ITGA2: variants seen among roughly 807,000 people sequenced by gnomAD.
ITGA2 encodes the protein integrin alpha-2.
ITGA2 carries 101 observed loss-of-function variants against 146.3 expected under a neutral mutation model. The ratio of observed to expected loss-of-function variants is 0.69; its 90% confidence interval spans 0.59 to 0.81. ITGA2 has a LOEUF of 0.81. Among genes scored for constraint, ITGA2 ranks in the 40% least tolerant of loss-of-function variants. The probability of loss-of-function intolerance (pLI) is 0.00; values close to 1 mark genes in which losing one functional copy is unlikely to be tolerated. For missense variants in ITGA2, 1,281 were observed against 1,402.7 expected (o/e 0.91, Z 1.39); for synonymous variants, 477 against 487.1 (o/e 0.98, Z 0.27).
At chr5:53,063,919 G>C (rs542244987) in intron 13 of ITGA2, among the ~76,000 whole-genome samples, 1 of 151,628 alleles carries the variant, frequency 6.6e-6, no homozygotes, top group Admixed American at 6.6e-5. Context: ...TTTTAATACC[G>C]TGTCAAACGC....
At chr5:53,011,466 G>T (rs925079368) in intron 1 of ITGA2, among the ~76,000 whole-genome samples, 2 of 152,004 alleles carry the variant, frequency 1.3e-5, no homozygotes, top group Non-Finnish European at 1.5e-5. Flanking sequence ...CTATGTTGCT[G>T]GTCATCCTTT....
At chr5:53,017,997 C>T (rs1334532819) in intron 1 of ITGA2, among the ~76,000 whole-genome samples, 3 of 152,016 alleles carry the variant, frequency 2.0e-5, no homozygotes, top group Admixed American at 6.6e-5. Flanking sequence ...GATGGCCAGG[C>T]ATGGTCTGTC....
intron 2 of ITGA2, among the ~76,000 whole-genome samples, chr5:53,029,359 A>G (rs1743115168): frequency 6.6e-6 from 1 of 152,166 alleles, no homozygotes; most frequent in Non-Finnish European, 1.5e-5. Context: ...CTCTCCTATT[A>G]TCATCTTTTA....
rs531139952 is a variant in ITGA2 at position 53,069,745 on chromosome 5, C to T, written c.2084-364C>T. ...GTGTCCAGTTGCAGGCGCTCAGCAACTGTTCCTTTCCATTCTGTGTCTCCG... is the reference window on the plus strand; with the variant it reads ...GTGTCCAGTTGCAGGCGCTCAGCAATTGTTCCTTTCCATTCTGTGTCTCCG... On this transcript the variant is annotated intron_variant, in intron 16 of 29. Transcript: ENST00000296585. Among the ~76,000 whole-genome samples the T allele has an allele frequency of 1.1e-3, 162 of 152,014 alleles. 1 individual carries two copies. The highest frequency in any genetic ancestry group is 1.9e-3 in the Non-Finnish European group (127 of 67,874).
intron 3 of ITGA2, among the ~76,000 whole-genome samples, chr5:53,044,311 GGT>G (rs1242358024): frequency 4.7e-5 from 4 of 84,838 alleles, no homozygotes; most frequent in Admixed American, 1.1e-4. Context: ...AAAAAAGAAA[GGT>G]GAACTTTTAC....
intron 29 of ITGA2, 145 bp downstream of exon 29, chr5:53,090,207 C>T (rs1740343084): frequency 1.4e-6 from 1 of 712,536 alleles, no homozygotes; most frequent in African/African-American, 1.8e-5. Context: ...ATTTCTTACT[C>T]ATGTCATTAA....
chr5:53,063,598 T>C (rs558720805), intron 13 of ITGA2, among the ~76,000 whole-genome samples: 13 of 152,014 alleles, frequency 8.6e-5, no homozygotes, highest in African/African-American at 3.1e-4. Flanking sequence ...CAGATTGACA[T>C]AGAAAATTAT....
At chr5:53,006,058 G>T (rs2111720674) in intron 1 of ITGA2, among the ~76,000 whole-genome samples, 1 of 152,268 alleles carries the variant, frequency 6.6e-6, no homozygotes, top group Non-Finnish European at 1.5e-5. Flanking sequence ...ACTGGGGCCT[G>T]TCGGTGGGGG....
chr5:53,028,120 G>A (rs1016132754), intron 2 of ITGA2, among the ~76,000 whole-genome samples: 8 of 152,022 alleles, frequency 5.3e-5, no homozygotes, highest in Non-Finnish European at 1.2e-4. Flanking sequence ...TAATTCATAA[G>A]CCTTTTTTTC....
chr5:53,047,672 C>T (rs1006772343), intron 4 of ITGA2, among the ~76,000 whole-genome samples: 2 of 152,118 alleles, frequency 1.3e-5, no homozygotes, highest in Admixed American at 6.6e-5. Context: ...ATTTCATACC[C>T]GTGGGCAGGC....
intron 20 of ITGA2, 58 bp from the exon 21 acceptor site, chr5:53,074,327 A>C: frequency 7.3e-7 from 1 of 1,361,306 alleles, no homozygotes; most frequent in Non-Finnish European, 1.1e-6. Flanking sequence ...AGGTGCGTGC[A>C]TACACACACA....
chr5:53,026,680 T>G, intron 1 of ITGA2, 68 bp from the exon 2 acceptor site: 1 of 1,429,990 alleles, frequency 7.0e-7, no homozygotes, highest in Non-Finnish European at 9.8e-7. Flanking sequence ...AAATGGCCTT[T>G]GAGAATTATA....
chr5:53,070,085 T>G (rs894749586), intron 16 of ITGA2, 24 bp from the exon 17 acceptor site: 4 of 1,589,358 alleles, frequency 2.5e-6, no homozygotes, highest in Non-Finnish European at 3.4e-6. Context: ...AAATAACATT[T>G]CTTTATGATT....
At chr5:53,080,323 A>G (rs1229853122) in intron 24 of ITGA2, among the ~76,000 whole-genome samples, 188 bp from the exon 25 acceptor site, 3 of 152,168 alleles carry the variant, frequency 2.0e-5, no homozygotes, top group East Asian at 1.9e-4. Flanking sequence ...TTGCAACCTC[A>G]GGCATAAATG....
At chr5:53,060,406 C>A (rs910577606) in intron 11 of ITGA2, among the ~76,000 whole-genome samples, 4 of 151,932 alleles carry the variant, frequency 2.6e-5, no homozygotes, top group African/African-American at 9.7e-5. Context: ...AGCTGCTAGT[C>A]TATCTACATA....
intron 1 of ITGA2, among the ~76,000 whole-genome samples, chr5:53,021,536 T>C (rs1043192900): frequency 1.3e-5 from 2 of 152,166 alleles, no homozygotes; most frequent in Non-Finnish European, 2.9e-5. Context: ...CCCCTAATTG[T>C]GTCCCCTGTG....
At chr5:53,071,365 A>G (rs1253699671) in intron 17 of ITGA2, among the ~76,000 whole-genome samples, 2 of 151,916 alleles carry the variant, frequency 1.3e-5, no homozygotes, top group African/African-American at 4.8e-5. Context: ...TTTTTCTTTA[A>G]AGTTTAAAAA....
intron 1 of ITGA2, among the ~76,000 whole-genome samples, chr5:52,993,120 T>C (rs1273005115): frequency 6.6e-6 from 1 of 152,240 alleles, no homozygotes; most frequent in Non-Finnish European, 1.5e-5. Flanking sequence ...AGCAAAATTA[T>C]AAAGTAGAGA....
intron 1 of ITGA2, among the ~76,000 whole-genome samples, chr5:53,002,246 A>G (rs1741619987): frequency 6.6e-6 from 1 of 152,040 alleles, no homozygotes; most frequent in Non-Finnish European, 1.5e-5. Flanking sequence ...ATATCTGTAT[A>G]TTTGCTTGTA....
Sources: gnomAD v4.1 joint callset for allele counts (sites outside exome capture counted in the v4.1 genomes callset) on GRCh38, gnomAD v4.1.1 for gene constraint, MANE v1.5 for transcripts, NCBI Gene and HGNC (gene_info 2026-07-23, HGNC 2026-07-21) for gene names.